MYO9B: variants seen among roughly 807,000 people sequenced by gnomAD.
The protein encoded by MYO9B is unconventional myosin-IXb.
Under a neutral mutation model 229.5 loss-of-function variants are expected in MYO9B, and 71 were observed. The ratio of observed to expected loss-of-function variants is 0.31; its 90% CI spans 0.26 to 0.38. MYO9B has a LOEUF of 0.38. Among genes scored for constraint, MYO9B ranks in the 10% least tolerant of loss-of-function variants. MYO9B has a pLI of 1.00. For synonymous variants in MYO9B, 1,185 were observed against 1,235.8 expected, an observed-to-expected ratio of 0.96 and a Z score of 0.86; for missense variants, 2,255 against 2,920.5, an observed-to-expected ratio of 0.77 and a Z score of 5.25.
chr19:17,086,466 G>T (rs546829621), intron 1 of MYO9B, among the ~76,000 whole-genome samples: 1 of 152,172 alleles, frequency 6.6e-6, no homozygotes, highest in African/African-American at 2.4e-5. Context: ...GGCCCGGCTC[G>T]TATTGGGGCC....
chr19:17,102,698 C>A, intron 2 of MYO9B, 141 bp downstream of exon 2: 3 of 1,182,218 alleles, frequency 2.5e-6, no homozygotes, highest in Non-Finnish European at 3.4e-6. Flanking sequence ...CCCAGGAGTT[C>A]AAGATCAGCC....
chr19:17,189,024 G>A (rs952588392), intron 19 of MYO9B, among the ~76,000 whole-genome samples: 8 of 150,864 alleles, frequency 5.3e-5, no homozygotes, highest in Non-Finnish European at 8.8e-5. Flanking sequence ...AGCCAGGCAT[G>A]GTGGGGCACA....
At chr19:17,177,670 A>C (rs1599395857) in intron 14 of MYO9B, 1 of 149,790 alleles carries the variant, frequency 6.7e-6, no homozygotes. Flanking sequence ...TGCCTCCGTT[A>C]CCCCAAAGAC....
chr19:17,194,513 G>T (rs1243468526), intron 21 of MYO9B, 43 bp from the exon 22 acceptor site: 7 of 1,593,012 alleles, frequency 4.4e-6, no homozygotes, highest in East Asian at 2.3e-5. Context: ...GGTGGAGGGA[G>T]TGTTTGTTTC....
At chr19:17,122,522 A>C (rs1207839608) in intron 2 of MYO9B, among the ~76,000 whole-genome samples, 3 of 152,156 alleles carry the variant, frequency 2.0e-5, no homozygotes, top group Non-Finnish European at 4.4e-5. Context: ...GCCTCAAAAA[A>C]ACAGGTGATC....
At chr19:17,209,455 C>G in intron 35 of MYO9B, 131 bp from the exon 36 acceptor site, 1 of 925,908 alleles carries the variant, frequency 1.1e-6, no homozygotes, top group South Asian at 1.6e-5. Context: ...GCTGGCACAG[C>G]CGTGTCCCAG....
intron 10 of MYO9B, among the ~76,000 whole-genome samples, chr19:17,166,169 A>C (rs1256744440): frequency 6.6e-6 from 1 of 151,928 alleles, no homozygotes; most frequent in Non-Finnish European, 1.5e-5. Context: ...CAGCCTCCCC[A>C]GTAGCTGGGG....
chr19:17,128,973 C>T (rs1391645863), intron 2 of MYO9B, among the ~76,000 whole-genome samples: 2 of 152,204 alleles, frequency 1.3e-5, no homozygotes, highest in Non-Finnish European at 2.9e-5. Flanking sequence ...CTTGGCCATA[C>T]CGGTCACTCC....
rs751790195 is a variant in MYO9B at position 17,145,440 on chromosome 19, G to A, written c.884G>A (p.Arg295Gln). Residue 295 changes from arginine (R) to glutamine (Q), a missense_variant, in exon 3 of 40, where the codon CGG becomes CAG. Around this residue, in one of 7 missense-constraint regions of MYO9B, gnomAD observed 386 missense variants for 515.2 expected, o/e 0.75. Coordinates refer to ENST00000682292, the MANE Select transcript of MYO9B (RefSeq NM_004145.4). The stretch of plus-strand genomic sequence containing the variant: ...ACAGCCCACAACAACAACTCCAGCC[G>A]GTTTGGGAAATTCATCCAAGTCAGC... ...AKTAHNNNSS[R>Q]FGKFIQVSYL... 3 of 1,613,958 alleles carry A rather than the reference G, an allele frequency of 1.9e-6. No homozygotes were observed. The highest frequency in any genetic ancestry group is 2.2e-5 in the East Asian group (1 of 44,880).
intron 2 of MYO9B, among the ~76,000 whole-genome samples, chr19:17,114,198 C>T (rs896914375): frequency 4.6e-5 from 7 of 152,220 alleles, no homozygotes; most frequent in African/African-American, 7.2e-5. Flanking sequence ...TTCATTGTAA[C>T]AGATGGTCTC....
intron 1 of MYO9B, among the ~76,000 whole-genome samples, chr19:17,088,205 C>T (rs1381793268): frequency 6.6e-6 from 1 of 152,228 alleles, no homozygotes; most frequent in African/African-American, 2.4e-5. Context: ...CCTGTGGCCA[C>T]ATCACTCCAA....
intron 2 of MYO9B, among the ~76,000 whole-genome samples, chr19:17,108,233 T>C (rs1400626148): frequency 6.6e-6 from 1 of 152,178 alleles, no homozygotes; most frequent in African/African-American, 2.4e-5. Flanking sequence ...TCTCCAGCGG[T>C]TCTAAGCCGC....
At chr19:17,114,512 T>C in intron 2 of MYO9B, among the ~76,000 whole-genome samples, 1 of 152,262 alleles carries the variant, frequency 6.6e-6, no homozygotes, top group Admixed American at 6.5e-5. Flanking sequence ...AGCCTGCTCT[T>C]CCAGGTGCAC....
rs909729838 is a variant in MYO9B at position 17,195,398 on chromosome 19, C to A, written c.3971C>A (p.Pro1324His). 6.2e-7 allele frequency: 1 copy of A among 1,609,688 alleles called. No homozygotes were observed. Among genetic ancestry groups the A allele is most frequent in the Non-Finnish European group, 8.5e-7 (1 of 1,179,352 alleles). Residue 1324 changes from proline to histidine, a missense_variant, in exon 22 of 40, where the codon CCT (proline) becomes CAT (histidine). Around this residue, in one of 7 missense-constraint regions of MYO9B, gnomAD observed 679 missense variants for 770.2 expected, o/e 0.88. Transcript: ENST00000682292. This position sits in a 1 kb window ranked among gnomAD's most constrained non-coding sequence, Gnocchi z 4.5. ...AAGAAGCTGGTGGCCGCCGCCAGCCCTAGTGCCATGCTCAGCCAGTCCCTG... is the reference window on the plus strand; with the variant it reads ...AAGAAGCTGGTGGCCGCCGCCAGCCATAGTGCCATGCTCAGCCAGTCCCTG... ...RGKKLVAAAS[P>H]SAMLSQSLDL...
intron 4 of MYO9B, 29 bp from the exon 5 acceptor site, chr19:17,153,938 A>G: frequency 6.3e-7 from 1 of 1,583,876 alleles, no homozygotes; most frequent in Non-Finnish European, 8.7e-7. Flanking sequence ...TCCAAAAACA[A>G]CTATTTTCCT....
chr19:17,128,651 C>T (rs2072155365), intron 2 of MYO9B, among the ~76,000 whole-genome samples: 4 of 152,244 alleles, frequency 2.6e-5, no homozygotes, highest in Admixed American at 2.0e-4. Flanking sequence ...GGTCACAGCT[C>T]TCGTCTGGGT....
intron 2 of MYO9B, among the ~76,000 whole-genome samples, chr19:17,130,978 C>T (rs1382582747): frequency 1.3e-5 from 2 of 152,112 alleles, no homozygotes; most frequent in East Asian, 3.9e-4. Context: ...GAGCTGATCA[C>T]CCTTGATGTC....
chr19:17,210,977 C>T (rs1306982838), intron 38 of MYO9B, 129 bp downstream of exon 38: 614 of 334,022 alleles, frequency 1.8e-3, no homozygotes, highest in Middle Eastern at 2.6e-3. Context: ...GCAAACAACA[C>T]TTTTTTTTTT....
At chr19:17,144,672 A>C (rs1319566476) in intron 2 of MYO9B, among the ~76,000 whole-genome samples, 1 of 151,918 alleles carries the variant, frequency 6.6e-6, no homozygotes, top group African/African-American at 2.4e-5. Context: ...AGGAACAGTT[A>C]AAGAAAAAAT....
Sources: gnomAD v4.1 joint callset for allele counts (sites outside exome capture counted in the v4.1 genomes callset) on GRCh38, gnomAD v4.1.1 for gene constraint, gnomAD v4.1.1 regional missense constraint, Gnocchi (gnomAD v3.1) non-coding constraint, MANE v1.5 for transcripts, NCBI Gene and HGNC (gene_info 2026-07-23, HGNC 2026-07-21) for gene names.